The following DNA2 variants were observed in gnomAD, a reference collection of about 807,000 sequenced individuals.
DNA2 encodes the protein DNA replication ATP-dependent helicase/nuclease DNA2.
A neutral mutation model predicts 119.1 loss-of-function variants in DNA2; 101 were observed. That is an observed-to-expected ratio of 0.85 (90% CI 0.72 to 1.00). The LOEUF is 1.00. Among genes scored for constraint, DNA2 ranks in the 50% least tolerant of loss-of-function variants. The probability of loss-of-function intolerance (pLI) is 0.00; values close to 1 mark genes in which losing one functional copy is unlikely to be tolerated. For synonymous variants in DNA2, 366 were observed against 424.4 expected, an observed-to-expected ratio of 0.86 and a Z score of 1.69; for missense variants, 1,121 against 1,255.5, an observed-to-expected ratio of 0.89 and a Z score of 1.62.
chr10:68,415,664 T>G lies in DNA2; in HGVS notation c.3115-557A>C, dbSNP rs576576575. ...TAAGAACTTCATACACTGTTTTTTT[T>G]GTTTTGTTTTGTTTTGTTTTTTGAG... On this transcript the variant is annotated intron_variant, in intron 20 of 20. Coordinates refer to ENST00000358410, the MANE Select transcript of DNA2 (RefSeq NM_001080449.3). Among the ~76,000 whole-genome samples, 25 of 152,090 alleles carry G rather than the reference T, an allele frequency of 1.6e-4. 1 individual carries two copies. The South Asian group carries it at 2.9e-3, about 18-fold the overall frequency.
chr10:68,470,256 T>A, intron 1 of DNA2, 93 bp from the exon 2 acceptor site: 1 of 1,154,072 alleles, frequency 8.7e-7, no homozygotes, highest in Non-Finnish European at 1.2e-6. Context: ...TCCAGTTTTC[T>A]AGGTTTCTTT....
At chr10:68,424,170 AG>A (rs2051703690) in intron 14 of DNA2, among the ~76,000 whole-genome samples, 1 of 152,130 alleles carries the variant, frequency 6.6e-6, no homozygotes, top group African/African-American at 2.4e-5. Flanking sequence ...GCCAAGAAAT[AG>A]AAGATAGAAA....
chr10:68,448,980 T>TGC lies in DNA2; in HGVS notation c.939+1047_939+1048insGC, dbSNP rs377639929. 4.1e-3 allele frequency among the ~76,000 whole-genome samples: 585 copies of TGC among 142,184 alleles called. 26 individuals carry two copies. Among genetic ancestry groups the TGC allele is most frequent in the African/African-American group, 0.017 (561 of 33,656 alleles). The allele number at this position is 142,184 out of a possible 152,430, so 93.3% of individuals were successfully genotyped here. On this transcript the variant is annotated intron_variant, in intron 6 of 20. Coordinates refer to ENST00000358410, the MANE Select transcript of DNA2 (RefSeq NM_001080449.3). ...GTGTGTGTGTGTGCGTGTGTGTGTG[T>TGC]GTGTGTAGTAGTTTCACCATGTTGG...
intron 6 of DNA2, among the ~76,000 whole-genome samples, chr10:68,449,096 C>G (rs1415948543): frequency 6.6e-6 from 1 of 151,978 alleles, no homozygotes; most frequent in Non-Finnish European, 1.5e-5. Flanking sequence ...ACTGTGCTGG[C>G]CTGAAATGCT....
chr10:68,434,503 T>G (rs1480992097), intron 10 of DNA2, among the ~76,000 whole-genome samples: 1 of 151,798 alleles, frequency 6.6e-6, no homozygotes, highest in African/African-American at 2.4e-5. Flanking sequence ...AATTAAAAAA[T>G]TAGCCAGGTG....
chr10:68,449,461 C>T (rs896222451), intron 6 of DNA2, among the ~76,000 whole-genome samples: 1 of 152,032 alleles, frequency 6.6e-6, no homozygotes, highest in Non-Finnish European at 1.5e-5. Flanking sequence ...CTTGTGAAAA[C>T]CTTCAATATT....
intron 7 of DNA2, 27 bp downstream of exon 7, chr10:68,446,269 G>T: frequency 7.4e-7 from 1 of 1,344,580 alleles, no homozygotes; most frequent in East Asian, 2.6e-5. Flanking sequence ...GGGCAAAGAA[G>T]TAAAACTAAA....
intron 8 of DNA2, among the ~76,000 whole-genome samples, chr10:68,443,967 A>G (rs2052003548): frequency 6.6e-6 from 1 of 151,742 alleles, no homozygotes; most frequent in South Asian, 2.1e-4. Flanking sequence ...AAAGAAAAAA[A>G]GTATTTCGGC....
rs772386473 is a variant in DNA2 at position 68,471,822 on chromosome 10, A to T, written c.43T>A (p.Phe15Ile). ...NELELLMEKS[F>I]WEEAELPAEL... The stretch of plus-strand genomic sequence containing the variant: ...GCCGGCAGCTCCGCCTCCTCCCAAA[A>T]ACTCTTCTCCATCAGCAGCTCCAGT... Residue 15 changes from phenylalanine to isoleucine, a missense_variant, in exon 1 of 21, where the codon TTT becomes ATT. Coordinates refer to ENST00000358410, the MANE Select transcript of DNA2 (RefSeq NM_001080449.3). 5.6e-6 allele frequency: 9 copies of T among 1,610,458 alleles called. No homozygotes were observed. The highest frequency in any genetic ancestry group is 1.7e-5 in the Admixed American group (1 of 59,010).
rs555852191 is a variant in DNA2, at chr10:68,419,924, T to C, written c.2698-32A>G. ...GGAAAAATATACAGCCTGCTGATAA[T>C]ACAATCTCTAAAGAGTACTATAAGT... is the stretch of plus-strand genomic sequence containing the variant. On this transcript the variant is annotated intron_variant, in intron 17 of 20. Coordinates refer to ENST00000358410, the MANE Select transcript of DNA2 (RefSeq NM_001080449.3). The C allele has an allele frequency of 7.0e-6, 11 of 1,573,084 alleles. No homozygotes were observed. In the East Asian group the frequency reaches 1.6e-4, roughly 22 times the overall value.
rs57883442 is a variant in DNA2, at chr10:68,449,973, C to CA, written c.939+54dup. The stretch of plus-strand genomic sequence containing the variant: ...TGGGAGACAGAACAAGACTCTGTCT[C>CA]AAAAAAAAAAAAAAAAAAGTATAAA... On this transcript the variant is annotated intron_variant, in intron 6 of 20. Transcript: ENST00000358410. The CA allele has an allele frequency of 0.071, 69,028 of 968,634 alleles. 222 individuals carry two copies. Among genetic ancestry groups the CA allele is most frequent in the African/African-American group, 0.16 (6,755 of 41,716 alleles). The allele number at this position is 968,634 out of a possible 1,614,324, so 60.0% of individuals were successfully genotyped here. A position where few individuals can be genotyped will look rare whatever the true frequency, so the allele number is the denominator to read the frequency against.
At chr10:68,417,854 G>T (rs558369531) in intron 19 of DNA2, among the ~76,000 whole-genome samples, 17 of 152,070 alleles carry the variant, frequency 1.1e-4, no homozygotes, top group Non-Finnish European at 2.2e-4. Flanking sequence ...AAATCCTGTC[G>T]CATACTACAA....
chr10:68,432,565 A>G (rs1417245141), intron 10 of DNA2, 55 bp from the exon 11 acceptor site: 2 of 969,268 alleles, frequency 2.1e-6, no homozygotes, highest in Middle Eastern at 2.6e-4. Context: ...TAGTCTGTAT[A>G]AGAAATATGC....
intron 10 of DNA2, among the ~76,000 whole-genome samples, chr10:68,433,442 C>T (rs1337393986): frequency 6.6e-6 from 1 of 152,104 alleles, no homozygotes; most frequent in Admixed American, 6.6e-5. Context: ...ACAATGTAGC[C>T]AGAGGAAAAT....
At chr10:68,416,193 T>G (rs1352467901) in intron 20 of DNA2, among the ~76,000 whole-genome samples, 2 of 152,022 alleles carry the variant, frequency 1.3e-5, no homozygotes, top group Non-Finnish European at 2.9e-5. Context: ...AAAGGCTGAA[T>G]GTGGTGGCTG....
chr10:68,458,567 G>C (rs2052215830), intron 5 of DNA2, among the ~76,000 whole-genome samples: 1 of 151,710 alleles, frequency 6.6e-6, no homozygotes, highest in Non-Finnish European at 1.5e-5. Context: ...AGAAGAAAGA[G>C]GCTGGGCACA....
rs201396965 is a variant in DNA2 at position 68,470,059 on chromosome 10, C to T, written c.179G>A (p.Gly60Glu). 167 of 1,613,828 alleles carry T rather than the reference C, an allele frequency of 1.0e-4. No homozygotes were observed. The highest frequency in any genetic ancestry group is 9.1e-5 in the Non-Finnish European group (107 of 1,179,826). The change falls in exon 2 of 21, where the codon GGA (glycine) becomes GAA (glutamate). Residue 60 changes from glycine to glutamate, a missense_variant. Transcript: ENST00000358410. ...LAVNTVQNKE[G>E]NCEKRLVITA... ...GATGACCAGGCGCTTTTCACAGTTT[C>T]CCTCTTTGTTCTGTACAGTATTGAC...
intron 19 of DNA2, 28 bp from the exon 20 acceptor site, chr10:68,416,883 C>A: frequency 6.3e-7 from 1 of 1,588,448 alleles, no homozygotes. Flanking sequence ...TTCAATTATT[C>A]AAGTTCAAAG....
At chr10:68,455,738 T>C (rs2052173911) in intron 5 of DNA2, among the ~76,000 whole-genome samples, 3 of 151,894 alleles carry the variant, frequency 2.0e-5, no homozygotes. Context: ...CAAGAATCAT[T>C]TGAACCCAGG....
Sources: allele counts gnomAD v4.1 joint callset (sites outside exome capture counted in the v4.1 genomes callset), GRCh38; gene constraint gnomAD v4.1.1; transcripts MANE v1.5; gene names NCBI Gene and HGNC (gene_info 2026-07-23, HGNC 2026-07-21).